Variants in MYRIP observed in about 807,000 individuals in gnomAD.
The protein encoded by MYRIP is rab effector MyRIP.
In MYRIP, 49 loss-of-function variants were observed where a neutral mutation model predicts 98.0. The ratio of observed to expected loss-of-function variants is 0.50; its 90% CI spans 0.40 to 0.63. The LOEUF is 0.63. Among genes scored for constraint, MYRIP ranks in the 30% least tolerant of loss-of-function variants. The pLI is 0.00. For missense variants in MYRIP, 1,004 were observed against 1,058.2 expected (o/e 0.95, Z 0.71); for synonymous variants, 404 against 409.5 (o/e 0.99, Z 0.16).
chr3:39,886,392 G>T (rs1207764579), intron 1 of MYRIP, among the ~76,000 whole-genome samples: 1 of 148,550 alleles, frequency 6.7e-6, no homozygotes, highest in Non-Finnish European at 1.5e-5. Flanking sequence ...ACACAGACTG[G>T]CAAATTGGAT....
At chr3:39,908,489 G>C (rs1330499772) in intron 2 of MYRIP, among the ~76,000 whole-genome samples, 1 of 152,146 alleles carries the variant, frequency 6.6e-6, no homozygotes, top group Non-Finnish European at 1.5e-5. Flanking sequence ...GCCAGGGTTT[G>C]TTGGAGACCC....
chr3:39,875,222 C>A (rs1405607725), intron 1 of MYRIP, among the ~76,000 whole-genome samples: 3 of 151,760 alleles, frequency 2.0e-5, no homozygotes, highest in Non-Finnish European at 4.4e-5. Context: ...CTATTTGATT[C>A]TTCTCTCTTT....
At position 40,151,164 on chromosome 3, in the gene MYRIP, G is replaced by A. The variant is rs1167697698; in HGVS notation, c.449G>A (p.Gly150Asp). 1 of 1,607,616 alleles carries A rather than the reference G, an allele frequency of 6.2e-7. No homozygotes were observed. The highest frequency in any genetic ancestry group is 1.7e-5 in the Admixed American group (1 of 59,396). Residue 150 changes from glycine to aspartate, a missense_variant, in exon 4 of 17, where the codon GGC (glycine) becomes GAC (aspartate). By Grantham distance (94) the Gly-to-Asp change is moderately conservative. Transcript: ENST00000302541. ...NLYRKHRLES[G>D]ACFDILGGSL... ...TACAGGAAGCACCGGCTGGAGAGTG[G>A]CGCGTGCTTCGACATTCTAGGTACT... is the stretch of plus-strand genomic sequence containing the variant.
In MYRIP at chr3:40,077,997, G is replaced by A. The variant is rs1430889961; in HGVS notation, c.332+33726G>A. Among the ~76,000 whole-genome samples, 8 of 152,250 alleles carry A rather than the reference G, an allele frequency of 5.3e-5. 1 individual carries two copies. In the South Asian group the frequency reaches 1.4e-3, roughly 28 times the overall value. ...GCAGGGGGTGGCGCTCGTTGGGGAG[G>A]GTCGGCCACACAGGAGCCCATGGAG... On this transcript the variant is annotated intron_variant, in intron 3 of 16. Transcript: ENST00000302541.
At chr3:39,849,192 C>G (rs1001067325) in intron 1 of MYRIP, among the ~76,000 whole-genome samples, 1 of 152,130 alleles carries the variant, frequency 6.6e-6, no homozygotes, top group African/African-American at 2.4e-5. Context: ...CTTGCCTTGT[C>G]CTCTTTCCAA....
chr3:40,029,769 A>G (rs1298987919), intron 2 of MYRIP, among the ~76,000 whole-genome samples: 2 of 152,096 alleles, frequency 1.3e-5, no homozygotes, highest in African/African-American at 4.8e-5. Context: ...TCTAATATAG[A>G]AATGGGCCAC....
chr3:40,212,430 A>T (rs754303865), intron 11 of MYRIP, among the ~76,000 whole-genome samples: 31 of 151,976 alleles, frequency 2.0e-4, no homozygotes, highest in South Asian at 1.2e-3. Context: ...AATATTATTT[A>T]AAAACAGAAA....
chr3:40,254,471 T>G, intron 16 of MYRIP, among the ~76,000 whole-genome samples: 1 of 137,292 alleles, frequency 7.3e-6, no homozygotes, highest in South Asian at 2.8e-4. Context: ...CAGATATTCA[T>G]TTGTGTCTGG....
intron 11 of MYRIP, 74 bp downstream of exon 11, chr3:40,210,167 T>A: frequency 6.6e-7 from 1 of 1,514,018 alleles, no homozygotes; most frequent in African/African-American, 1.4e-5. Context: ...CCTATATTGG[T>A]GCAGAAAGCT....
chr3:40,115,129 A>G (rs994916901), intron 3 of MYRIP, among the ~76,000 whole-genome samples: 19 of 152,146 alleles, frequency 1.2e-4, no homozygotes, highest in African/African-American at 4.6e-4. Context: ...CAAGCCCAAA[A>G]ATTTGGGAAA....
At chr3:39,956,209 A>T (rs1402102698) in intron 2 of MYRIP, among the ~76,000 whole-genome samples, 1 of 152,184 alleles carries the variant, frequency 6.6e-6, no homozygotes, top group Non-Finnish European at 1.5e-5. Context: ...CTCCACCCCA[A>T]ATCAACAGAA....
intron 3 of MYRIP, among the ~76,000 whole-genome samples, chr3:40,136,323 A>C (rs1389549178): frequency 6.6e-6 from 1 of 152,244 alleles, no homozygotes; most frequent in Non-Finnish European, 1.5e-5. Flanking sequence ...CAATTCAACA[A>C]GAAGAACTAA....
chr3:40,189,283 C>T (rs1378118484), intron 9 of MYRIP, among the ~76,000 whole-genome samples: 1 of 152,186 alleles, frequency 6.6e-6, no homozygotes, highest in Non-Finnish European at 1.5e-5. Context: ...GAGGCATGTT[C>T]CTTGAGTTAA....
At chr3:40,205,645 G>A (rs1026367586) in intron 10 of MYRIP, among the ~76,000 whole-genome samples, 4 of 151,862 alleles carry the variant, frequency 2.6e-5, no homozygotes, top group Admixed American at 1.3e-4. Flanking sequence ...CTTTCCCACC[G>A]CCTCCCACCC....
intron 3 of MYRIP, among the ~76,000 whole-genome samples, chr3:40,135,502 G>A (rs1258819016): frequency 6.6e-6 from 1 of 152,154 alleles, no homozygotes; most frequent in African/African-American, 2.4e-5. Context: ...AGCAAGGCAG[G>A]CCAACATTCA....
chr3:39,949,150 T>C (rs1322348207), intron 2 of MYRIP, among the ~76,000 whole-genome samples: 1 of 152,156 alleles, frequency 6.6e-6, no homozygotes, highest in Non-Finnish European at 1.5e-5. Context: ...GGGAGAAGCT[T>C]ATGAATTTGC....
chr3:39,815,413 G>A (rs1229189261), intron 1 of MYRIP, among the ~76,000 whole-genome samples: 3 of 151,802 alleles, frequency 2.0e-5, no homozygotes, highest in African/African-American at 7.3e-5. Context: ...GTGTGTGTGT[G>A]TATGTATGTA....
chr3:39,946,983 A>G (rs7620454), intron 2 of MYRIP, among the ~76,000 whole-genome samples: 28,959 of 152,166 alleles, frequency 0.19, 4,015 homozygotes, highest in African/African-American at 0.39. Context: ...AAAGCATTAA[A>G]TGGGACAAAG....
chr3:39,884,677 G>C (rs1427623700), intron 1 of MYRIP, among the ~76,000 whole-genome samples: 1 of 151,870 alleles, frequency 6.6e-6, no homozygotes. Context: ...TCTGCATCTT[G>C]CTTTTTGTAC....
Sources: gnomAD v4.1 joint callset for allele counts (sites outside exome capture counted in the v4.1 genomes callset) on GRCh38, gnomAD v4.1.1 for gene constraint, MANE v1.5 for transcripts, NCBI Gene and HGNC (gene_info 2026-07-23, HGNC 2026-07-21) for gene names.